Variants in EIF5A observed in about 807,000 individuals in gnomAD.
EIF5A encodes the protein eukaryotic translation initiation factor 5A-1.
In EIF5A, 1 loss-of-function variant was observed where a neutral mutation model predicts 16.6. The observed-to-expected ratio is 0.06, with a 90% CI of 0.02 to 0.28. EIF5A has a LOEUF of 0.28. Among genes scored for constraint, EIF5A ranks in the 10% least tolerant of loss-of-function variants. EIF5A has a pLI of 1.00. For missense variants in EIF5A, 29 were observed against 196.1 expected, an observed-to-expected ratio of 0.15 and a Z score of 5.09; for synonymous variants, 80 against 73.6, an observed-to-expected ratio of 1.09 and a Z score of -0.44.
At chr17:7,309,928 G>A (rs770813564) in intron 2 of EIF5A, 128 bp downstream of exon 2, 16 of 1,584,356 alleles carry the variant, frequency 1.0e-5, no homozygotes, top group Non-Finnish European at 1.2e-5. Flanking sequence ...TTTTTGTTTA[G>A]CGCTCAGCCT....
At chr17:7,310,176 G>C in intron 2 of EIF5A, 7 of 1,294,512 alleles carry the variant, frequency 5.4e-6, no homozygotes, top group Non-Finnish European at 7.1e-6. Flanking sequence ...ACGTTGCCCA[G>C]GGTTTCTCCA....
rs898887763 is a variant in EIF5A at position 7,307,762 on chromosome 17, G to A, written c.-22+10G>A. The A allele has an allele frequency of 2.0e-6, 2 of 1,004,978 alleles. No homozygotes were observed. The highest frequency in any genetic ancestry group is 6.1e-5 in the Admixed American group (1 of 16,350). 62.3% of individuals were successfully genotyped at this position (1,004,978 alleles called of 1,614,324 possible). A position where few individuals can be genotyped will look rare whatever the true frequency, so the allele number is the denominator to read the frequency against. On this transcript the variant is annotated intron_variant, in intron 1 of 5. Transcript: ENST00000336458. ...AGTGCGTTCGCGCGAGGTGAGAGCG[G>A]GCAGGGCGCGTGTGCGCGGTACCTT... is the stretch of plus-strand genomic sequence containing the variant.
intron 1 of EIF5A, 107 bp downstream of exon 1, chr17:7,307,859 C>T: frequency 2.0e-6 from 2 of 982,412 alleles, no homozygotes; most frequent in Non-Finnish European, 2.4e-6. Context: ...CGGCCGCCGC[C>T]GCACGGGTTC....
chr17:7,311,313 CCTA>C (rs756669816), intron 3 of EIF5A, 34 bp from the exon 4 acceptor site: 13 of 1,613,582 alleles, frequency 8.1e-6, no homozygotes, highest in East Asian at 2.2e-5. Flanking sequence ...CCTCCCTGGG[CCTA>C]CTACCTTCAG....
rs1276558115 is a variant in EIF5A, at chr17:7,312,364, C to T, written c.*554C>T. On this transcript the variant is annotated 3_prime_UTR_variant, in exon 6 of 6. Coordinates refer to ENST00000336458, the MANE Select transcript of EIF5A (RefSeq NM_001970.5). ...CCCTCCTCAGGCATCTGGGAGGGCCCTGCCCCCATGGGCTTTACCCTTCCC... is the reference window on the plus strand; with the variant it reads ...CCCTCCTCAGGCATCTGGGAGGGCCTTGCCCCCATGGGCTTTACCCTTCCC... 4 of 209,730 alleles carry T rather than the reference C, an allele frequency of 1.9e-5. No homozygotes were observed. Among genetic ancestry groups the T allele is most frequent in the Non-Finnish European group, 4.3e-5 (4 of 93,082 alleles). The allele number at this position is 209,730 out of a possible 1,614,324, so 13.0% of individuals were successfully genotyped here. A position where few individuals can be genotyped will look rare whatever the true frequency, so the allele number is the denominator to read the frequency against.
rs370685056 is a variant in EIF5A at position 7,308,191 on chromosome 17, G to A, written c.-22+439G>A. The A allele has an allele frequency of 3.8e-3, 3,784 of 987,610 alleles. 67 individuals are homozygous for A. Among genetic ancestry groups the A allele is most frequent in the South Asian group, 0.035 (1,204 of 33,978 alleles). The allele number at this position is 987,610 out of a possible 1,614,324, so 61.2% of individuals were successfully genotyped here. On this transcript the variant is annotated intron_variant, in intron 1 of 5. Transcript: ENST00000336458. ...GGCCGGGGGGAGGGGAGGCGGCGTG[G>A]CTCCGGCCTGGCGCAGTCTCTGAGG...
chr17:7,311,227 A>G, intron 3 of EIF5A, 105 bp downstream of exon 3: 1 of 1,578,026 alleles, frequency 6.3e-7, no homozygotes, highest in African/African-American at 1.3e-5. Flanking sequence ...AGAGGAGGGA[A>G]ATGGCAGGAG....
intron 1 of EIF5A, 102 bp downstream of exon 1, chr17:7,307,854 G>T (rs1465378651): frequency 2.0e-6 from 2 of 982,988 alleles, no homozygotes; most frequent in African/African-American, 1.8e-5. Context: ...AGCGGCGGCC[G>T]CCGCCGCACG....
At chr17:7,307,525 G>T, upstream of EIF5A, 2 of 1,018,692 alleles carry the variant, frequency 2.0e-6, no homozygotes, top group South Asian at 7.5e-5. Context: ...GGTAGGGTGT[G>T]TGCGCTTGCG....
chr17:7,308,240 G>C, intron 1 of EIF5A: 1 of 1,028,430 alleles, frequency 9.7e-7, no homozygotes, highest in Non-Finnish European at 1.2e-6. Context: ...GGCACCGGAA[G>C]TGCCCCCCAC....
chr17:7,307,116 G>C (rs192093777), upstream of EIF5A: 1 of 1,596,000 alleles, frequency 6.3e-7, no homozygotes, highest in East Asian at 2.3e-5. Flanking sequence ...TCTGAAACGT[G>C]TGAGTCGTTT....
intron 1 of EIF5A, chr17:7,308,305 A>C (rs1165217170): frequency 8.7e-7 from 1 of 1,146,462 alleles, no homozygotes; most frequent in African/African-American, 1.7e-5. Context: ...CCGGGGCCGC[A>C]TGGCAGCGCG....
chr17:7,311,819 T>A lies in EIF5A; in HGVS notation c.*12-3T>A, dbSNP rs1001218157. On this transcript the variant is annotated splice_region_variant and splice_polypyrimidine_tract_variant and intron_variant, in intron 5 of 5. Transcript: ENST00000336458. ...GTCTTACTAATTTCTCTCTCCTACC[T>A]AGGGTGGCGGTGGTGGCAGCAGTGA... 1.0e-6 allele frequency: 1 copy of A among 972,968 alleles called. No individual in the cohort carries two copies. The highest frequency in any genetic ancestry group is 1.5e-6 in the Non-Finnish European group (1 of 648,642). The allele number at this position is 972,968 out of a possible 1,614,324, so 60.3% of individuals were successfully genotyped here. A position where few individuals can be genotyped will look rare whatever the true frequency, so the allele number is the denominator to read the frequency against.
chr17:7,307,440 A>C (rs1042567523), upstream of EIF5A: 4 of 1,060,590 alleles, frequency 3.8e-6, no homozygotes, highest in Non-Finnish European at 4.5e-6. Flanking sequence ...TTAGTTGAAA[A>C]CGCTCAGGGT....
intron 4 of EIF5A, 47 bp downstream of exon 4, chr17:7,311,528 G>C (rs182952654): frequency 6.2e-7 from 1 of 1,614,088 alleles, no homozygotes; most frequent in African/African-American, 1.3e-5. Flanking sequence ...TGTTCTGTAC[G>C]TTTCTTCCTG....
In EIF5A at chr17:7,312,433, T is replaced by TA. The variant is rs1235476730; in HGVS notation, c.*627dup. 3.4e-6 allele frequency: 1 copy of TA among 290,726 alleles called. No homozygotes were observed. Among genetic ancestry groups the TA allele is most frequent in the Non-Finnish European group, 6.9e-6 (1 of 143,986 alleles). The allele number at this position is 290,726 out of a possible 1,614,324, so 18.0% of individuals were successfully genotyped here. On this transcript the variant is annotated 3_prime_UTR_variant, in exon 6 of 6. Transcript: ENST00000336458. Reference sequence around the variant, plus strand: ...CACATTTGTTAAAATCAAACCTGAATAAAACTACAAGTTTAATATGAAGCC... The same window carrying TA: ...CACATTTGTTAAAATCAAACCTGAATAAAAACTACAAGTTTAATATGAAGCC...
chr17:7,309,827 C>T, intron 2 of EIF5A, 27 bp downstream of exon 2: 1 of 1,614,220 alleles, frequency 6.2e-7, no homozygotes. Context: ...CGCATCTTGC[C>T]TTCCCCATGC....
rs1195962131 is a variant in EIF5A, at chr17:7,311,864, C to T, written c.*54C>T. The T allele has an allele frequency of 1.5e-6, 1 of 678,202 alleles. No homozygotes were observed. The highest frequency in any genetic ancestry group is 2.5e-6 in the Non-Finnish European group (1 of 393,460). 42.0% of individuals were successfully genotyped at this position (678,202 alleles called of 1,614,324 possible). ...CAGTGATCCTCTGAACCTGCAGAGG[C>T]CCCCTCCCCGAGCCTGGCCTGGCTC... is the stretch of plus-strand genomic sequence containing the variant. On this transcript the variant is annotated 3_prime_UTR_variant, in exon 6 of 6. Coordinates refer to ENST00000336458, the MANE Select transcript of EIF5A (RefSeq NM_001970.5).
At chr17:7,309,532 A>C in intron 1 of EIF5A, 83 bp from the exon 2 acceptor site, 1 of 1,559,992 alleles carries the variant, frequency 6.4e-7, no homozygotes, top group Non-Finnish European at 8.7e-7. Context: ...GAGTTGGGAA[A>C]ATGTTTCTGG....
Sources: gnomAD v4.1 joint callset for allele counts on GRCh38, gnomAD v4.1.1 for gene constraint, MANE v1.5 for transcripts, NCBI Gene and HGNC (gene_info 2026-07-23, HGNC 2026-07-21) for gene names.